ATP13A3: variants seen among roughly 807,000 people sequenced by gnomAD.
The protein encoded by ATP13A3 is polyamine-transporting ATPase 13A3.
ATP13A3 carries 59 observed loss-of-function variants against 158.1 expected under a neutral mutation model. The observed-to-expected ratio is 0.37, with a 90% CI of 0.30 to 0.46. The LOEUF (loss-of-function observed/expected upper bound fraction) is 0.46. Among genes scored for constraint, ATP13A3 ranks in the 20% least tolerant of loss-of-function variants. The pLI, the probability that ATP13A3 is intolerant of heterozygous loss-of-function variation, is 1.00. For missense variants in ATP13A3, 1,166 were observed against 1,525.2 expected (o/e 0.76, Z 3.92); for synonymous variants, 491 against 504.3 (o/e 0.97, Z 0.35).
chr3:194,418,415 TATA>T (rs1288909301), intron 31 of ATP13A3, among the ~76,000 whole-genome samples: 1 of 151,894 alleles, frequency 6.6e-6, no homozygotes, highest in Admixed American at 6.6e-5. Context: ...TACAGTCAAA[TATA>T]ATACATTAAG....
rs1441761968 is a variant in ATP13A3 at position 194,429,692 on chromosome 3, T to C, written c.2860A>G (p.Thr954Ala). The change falls in exon 27 of 34, where the codon ACT becomes GCT. Residue 954 changes from threonine (T) to alanine (A), a missense_variant. Physicochemically the swap from Thr to Ala is moderately conservative, Grantham distance 58. Coordinates refer to ENST00000645319, the MANE Select transcript of ATP13A3 (RefSeq NM_001367549.1). ...TTAATACTCACAGAATACAGCAGAG[T>C]AACACTGAAGTACTGGATAATGCTG... ...LYSIIQYFSV[T>A]LLYSILSNLG... 1 of 1,610,516 alleles carries C rather than the reference T, an allele frequency of 6.2e-7. No homozygotes were observed. The highest frequency in any genetic ancestry group is 1.1e-5 in the South Asian group (1 of 90,892).
intron 20 of ATP13A3, among the ~76,000 whole-genome samples, chr3:194,435,388 T>C (rs1407138097): frequency 2.0e-5 from 3 of 151,930 alleles, no homozygotes; most frequent in Non-Finnish European, 2.9e-5. Context: ...TCTTACCCTC[T>C]AGTTAGTGAA....
intron 31 of ATP13A3, among the ~76,000 whole-genome samples, chr3:194,417,989 G>GGAAGGAAGGAAGGA (rs1172020250): frequency 1.3e-3 from 115 of 87,988 alleles, no homozygotes; most frequent in African/African-American, 7.7e-3. Flanking sequence ...GGAAGGAAGG[G>GGAAGGAAGGAAGGA]AGGGAGGGAG....
At chr3:194,465,503 C>T (rs1488953824) in intron 2 of ATP13A3, among the ~76,000 whole-genome samples, 1 of 152,150 alleles carries the variant, frequency 6.6e-6, no homozygotes, top group Non-Finnish European at 1.5e-5. Flanking sequence ...GGCTGGGAAT[C>T]GTACCCATTT....
At position 194,447,926 on chromosome 3, in the gene ATP13A3, A is replaced by G; in HGVS notation, c.1234T>C (p.Leu412=). 6.2e-7 allele frequency: 1 copy of G among 1,610,570 alleles called. No individual in the cohort carries two copies. The highest frequency in any genetic ancestry group is 1.1e-5 in the South Asian group (1 of 91,002). Reference sequence around the variant, plus strand: ...ACTGCCACAAGACATAGTAGAAACAAGTAGGCATCTCTGTAGAGTTTAAAA... The same window carrying G: ...ACTGCCACAAGACATAGTAGAAACAGGTAGGCATCTCTGTAGAGTTTAAAA... ...TDFKLYRDAY[L]FLLCLVAVAG... The change falls in exon 13 of 34, where the codon TTG becomes CTG. Residue 412 remains leucine, a synonymous_variant. Transcript: ENST00000645319.
At chr3:194,420,075 C>T (rs1010301059) in intron 30 of ATP13A3, 108 bp from the exon 31 acceptor site, 3 of 1,209,396 alleles carry the variant, frequency 2.5e-6, no homozygotes, top group Non-Finnish European at 3.3e-6. Flanking sequence ...GTTTTGAATA[C>T]TTTCACTTCA....
intron 28 of ATP13A3, among the ~76,000 whole-genome samples, chr3:194,428,540 T>TAC (rs1716984680): frequency 6.6e-6 from 1 of 152,204 alleles, no homozygotes; most frequent in Admixed American, 6.5e-5. Flanking sequence ...TCCTGATCTT[T>TAC]ACAACTGTAT....
Position 194,448,679 on chromosome 3 carries a change from T to C in ATP13A3, c.971-43A>G, listed in dbSNP as rs1718576975. On this transcript the variant is annotated intron_variant, in intron 11 of 33. Transcript: ENST00000645319. The surrounding 1 kb of genome is among the most constrained non-coding windows in gnomAD (Gnocchi z 4.0). ...AACAACAAAAACAGTTTACAAATTA[T>C]TAAACGAAAGCACAGGAATCAGTAT... 1 of 1,572,374 alleles carries C rather than the reference T, an allele frequency of 6.4e-7. No individual in the cohort carries two copies. The highest frequency in any genetic ancestry group is 1.4e-5 in the African/African-American group (1 of 72,954).
rs762173771 is a variant in ATP13A3, at chr3:194,431,091, C to T, written c.2544+13G>A. The T allele has an allele frequency of 6.8e-6, 11 of 1,613,108 alleles. No homozygotes were observed. The highest frequency in any genetic ancestry group is 8.5e-7 in the Non-Finnish European group (1 of 1,179,278). On this transcript the variant is annotated intron_variant, in intron 23 of 33. Coordinates refer to ENST00000645319, the MANE Select transcript of ATP13A3 (RefSeq NM_001367549.1). ...CATTCATGTGAGCACACACATACAC[C>T]CAAATTACTTACCTTAGGAACAAGG...
At chr3:194,450,709 C>T (rs1718747246) in intron 10 of ATP13A3, 1 of 160,742 alleles carries the variant, frequency 6.2e-6, no homozygotes, top group Admixed American at 5.9e-5. Context: ...TTCTTTTCAA[C>T]AGCTTATCTA....
In ATP13A3 at chr3:194,429,651, AT is replaced by A. The variant is rs370020703; in HGVS notation, c.2874+26del. ...TAATTTACGGTGCACATTAAGTGTT[AT>A]CTCTGCACACAATGTTAATACTCAC... is the stretch of plus-strand genomic sequence containing the variant. On this transcript the variant is annotated intron_variant, in intron 27 of 33. Transcript: ENST00000645319. 852 of 1,523,204 alleles carry A rather than the reference AT, an allele frequency of 5.6e-4. 7 individuals carry two copies. In the African/African-American group the frequency reaches 0.011, roughly 19 times the overall value. The allele number at this position is 1,523,204 out of a possible 1,614,324, so 94.4% of individuals were successfully genotyped here. A position where few individuals can be genotyped will look rare whatever the true frequency, so the allele number is the denominator to read the frequency against.
At chr3:194,433,448 T>G (rs1717390311) in intron 21 of ATP13A3, among the ~76,000 whole-genome samples, 1 of 152,078 alleles carries the variant, frequency 6.6e-6, no homozygotes, top group Non-Finnish European at 1.5e-5. Flanking sequence ...TTTCACCTTG[T>G]TAGCCAGGAT....
intron 2 of ATP13A3, among the ~76,000 whole-genome samples, chr3:194,483,708 G>T (rs1227204022): frequency 2.0e-5 from 3 of 152,126 alleles, no homozygotes; most frequent in Non-Finnish European, 4.4e-5. Context: ...CTACCTCTTG[G>T]ATCCAGATGA....
At chr3:194,426,668 C>A (rs898140669) in intron 29 of ATP13A3, among the ~76,000 whole-genome samples, 1 of 152,070 alleles carries the variant, frequency 6.6e-6, no homozygotes, top group Non-Finnish European at 1.5e-5. Context: ...CAAATACAAG[C>A]CAAATTATGT....
chr3:194,458,067 T>C (rs1263689765), intron 6 of ATP13A3, among the ~76,000 whole-genome samples: 1 of 152,110 alleles, frequency 6.6e-6, no homozygotes, highest in African/African-American at 2.4e-5. Context: ...ATTACAGGCA[T>C]GAGCCACCAC....
chr3:194,420,116 C>T, intron 30 of ATP13A3, 149 bp from the exon 31 acceptor site: 1 of 828,850 alleles, frequency 1.2e-6, no homozygotes, highest in African/African-American at 1.8e-5. Flanking sequence ...GCTCTGTTAT[C>T]TCCTGGAGTA....
chr3:194,441,604 T>C, intron 15 of ATP13A3, 143 bp from the exon 16 acceptor site: 1 of 741,442 alleles, frequency 1.3e-6, no homozygotes, highest in East Asian at 2.8e-5. Flanking sequence ...CTGTCAAGTG[T>C]CAGAAATACA....
chr3:194,484,320 C>A (rs367762021), intron 2 of ATP13A3, among the ~76,000 whole-genome samples: 3 of 152,106 alleles, frequency 2.0e-5, no homozygotes, highest in Non-Finnish European at 4.4e-5. Context: ...AAGAAAGGAG[C>A]ACTTTTCCTG....
intron 2 of ATP13A3, among the ~76,000 whole-genome samples, chr3:194,466,471 C>T (rs1217990305): frequency 2.6e-5 from 4 of 152,158 alleles, no homozygotes; most frequent in African/African-American, 9.7e-5. Flanking sequence ...AGCAACTTGA[C>T]ACTGATACAC....
Sources: gnomAD v4.1 joint callset for allele counts (sites outside exome capture counted in the v4.1 genomes callset) on GRCh38, gnomAD v4.1.1 for gene constraint, Gnocchi (gnomAD v3.1) non-coding constraint, MANE v1.5 for transcripts, NCBI Gene and HGNC (gene_info 2026-07-23, HGNC 2026-07-21) for gene names.